The following GOLGA4 variants were observed in gnomAD, a reference collection of about 807,000 sequenced individuals.
GOLGA4 encodes golgin subfamily A member 4.
In GOLGA4, 169 loss-of-function variants were observed where a neutral mutation model predicts 265.9. That is an observed-to-expected ratio of 0.64 (90% confidence interval 0.56 to 0.72). The LOEUF is 0.72. Ranked by LOEUF, GOLGA4 falls within the 30% of genes least tolerant of loss-of-function variation. GOLGA4 has a pLI of 0.00. For missense variants in GOLGA4, 2,482 were observed against 2,483.4 expected (o/e 1.00, Z 0.01); for synonymous variants, 923 against 855.8 (o/e 1.08, Z -1.37).
At chr3:37,300,644 C>G (rs2096890222) in intron 9 of GOLGA4, among the ~76,000 whole-genome samples, 1 of 152,054 alleles carries the variant, frequency 6.6e-6, no homozygotes, top group African/African-American at 2.4e-5. Flanking sequence ...GTCCTACTCA[C>G]CCAGAATTGT....
chr3:37,345,873 G>C (rs752614548), intron 20 of GOLGA4, among the ~76,000 whole-genome samples: 7 of 151,898 alleles, frequency 4.6e-5, no homozygotes, highest in African/African-American at 1.5e-4. Flanking sequence ...CTTGAACCTG[G>C]GAGGCGGGGG....
At chr3:37,262,352 A>G (rs553304742) in intron 2 of GOLGA4, among the ~76,000 whole-genome samples, 1 of 152,070 alleles carries the variant, frequency 6.6e-6, no homozygotes, top group Non-Finnish European at 1.5e-5. Context: ...CTAATAATAC[A>G]AAAATTAGCT....
At chr3:37,249,153 G>A (rs1185311605) in intron 1 of GOLGA4, among the ~76,000 whole-genome samples, 1 of 152,144 alleles carries the variant, frequency 6.6e-6, no homozygotes, top group Non-Finnish European at 1.5e-5. Context: ...TGCAAATTAT[G>A]GCTCTAGGTG....
intron 10 of GOLGA4, among the ~76,000 whole-genome samples, chr3:37,306,251 TAAAG>T (rs2150889566): frequency 6.6e-6 from 1 of 152,260 alleles, no homozygotes; most frequent in South Asian, 2.1e-4. Flanking sequence ...TTTTAGTGGA[TAAAG>T]AAAACAAAAA....
chr3:37,335,251 T>C, intron 17 of GOLGA4, 85 bp downstream of exon 17: 1 of 710,026 alleles, frequency 1.4e-6, no homozygotes, highest in Non-Finnish European at 2.5e-6. Context: ...CATACATACA[T>C]ATTTATCTCA....
chr3:37,243,860 C>A, intron 1 of GOLGA4: 1 of 549,146 alleles, frequency 1.8e-6, no homozygotes, highest in South Asian at 2.4e-5. Context: ...GTGGCTGGAT[C>A]CCTCGTGACA....
At chr3:37,271,570 A>G (rs1344891593) in intron 2 of GOLGA4, among the ~76,000 whole-genome samples, 1 of 152,136 alleles carries the variant, frequency 6.6e-6, no homozygotes, top group African/African-American at 2.4e-5. Flanking sequence ...ACTCATGGCC[A>G]TCTTGTTTTA....
At position 37,323,982 on chromosome 3, in the gene GOLGA4, C is replaced by A; in HGVS notation, c.2096C>A (p.Ala699Asp). Residue 699 changes from alanine (A) to aspartate (D), a missense_variant, in exon 14 of 24, where the codon GCC (alanine) becomes GAC (aspartate). By Grantham distance (126) the Ala-to-Asp change is moderately radical. Coordinates refer to ENST00000361924, the MANE Select transcript of GOLGA4 (RefSeq NM_002078.5). The stretch of plus-strand genomic sequence containing the variant: ...TCTGAACTGTCAGAAGTATTAAAAG[C>A]CCGTCACAAACTAGAAGAGGAACTT... The part of the protein sequence containing the change: ...LSSELSEVLK[A>D]RHKLEEELSV... The A allele has an allele frequency of 6.2e-7, 1 of 1,613,522 alleles. No individual in the cohort carries two copies. The highest frequency in any genetic ancestry group is 8.5e-7 in the Non-Finnish European group (1 of 1,179,922).
At chr3:37,299,244 G>A (rs1012598640) in intron 8 of GOLGA4, 44 bp from the exon 9 acceptor site, 4 of 1,244,010 alleles carry the variant, frequency 3.2e-6, no homozygotes, top group Non-Finnish European at 4.7e-6. Context: ...CAAATGAGAA[G>A]AAGCTTTATT....
chr3:37,269,293 A>G (rs2096791839), intron 2 of GOLGA4, among the ~76,000 whole-genome samples: 1 of 152,254 alleles, frequency 6.6e-6, no homozygotes, highest in Admixed American at 6.5e-5. Context: ...ATAAGCATTT[A>G]TTGAGCCCTT....
At chr3:37,271,697 G>C (rs764907155) in intron 2 of GOLGA4, among the ~76,000 whole-genome samples, 6 of 152,268 alleles carry the variant, frequency 3.9e-5, no homozygotes, top group Non-Finnish European at 7.4e-5. Context: ...AATTTCAGAA[G>C]TTCTGTTCCA....
At chr3:37,276,671 C>G (rs2096820284) in intron 2 of GOLGA4, 1 of 1,331,350 alleles carries the variant, frequency 7.5e-7, no homozygotes, top group African/African-American at 1.5e-5. Context: ...CTAGGCCAAG[C>G]AACTAGTTTT....
intron 9 of GOLGA4, 117 bp from the exon 10 acceptor site, chr3:37,302,068 C>T (rs1473456535): frequency 1.2e-6 from 1 of 817,516 alleles, no homozygotes; most frequent in Non-Finnish European, 2.0e-6. Flanking sequence ...GGATTATGGA[C>T]ATGAGTCACC....
intron 1 of GOLGA4, among the ~76,000 whole-genome samples, chr3:37,249,527 G>C (rs553719559): frequency 2.2e-4 from 34 of 152,052 alleles, no homozygotes; most frequent in Admixed American, 1.8e-3. Flanking sequence ...TCCTGCCTCA[G>C]CCTCCTGAGT....
rs774143625 is a variant in GOLGA4 at position 37,326,527 on chromosome 3, T to A, written c.4641T>A (p.Val1547=). The A allele has an allele frequency of 6.2e-6, 10 of 1,606,568 alleles. No homozygotes were observed. The highest frequency in any genetic ancestry group is 8.5e-7 in the Non-Finnish European group (1 of 1,176,132). The part of the protein sequence containing the change: ...KTIEIESLNE[V]LKNYNQQKDI... ...TTGAAATAGAGTCCTTAAATGAAGTTCTTAAAAATTACAATCAACAAAAGG... is the reference window on the plus strand; with the variant it reads ...TTGAAATAGAGTCCTTAAATGAAGTACTTAAAAATTACAATCAACAAAAGG... The change falls in exon 14 of 24, where the codon GTT becomes GTA. Residue 1547 remains valine, a synonymous_variant. Transcript: ENST00000361924.
rs1467959261 is a variant in GOLGA4, at chr3:37,326,301, A to G, written c.4415A>G (p.Lys1472Arg). ...CAGATCCAGCTTGAGTTAAAATCAA[A>G]GGAAGCTTATGAAAAGGATGAGCAG... ...ELQIQLELKS[K>R]EAYEKDEQIN... is the part of the protein sequence containing the mutation. Residue 1472 changes from lysine to arginine, a missense_variant, in exon 14 of 24, where the codon AAG becomes AGG. This residue lies in a region of GOLGA4 where 942 missense variants were observed against 983.1 expected (regional missense o/e 0.96). Coordinates refer to ENST00000361924, the MANE Select transcript of GOLGA4 (RefSeq NM_002078.5). 2 of 1,612,058 alleles carry G rather than the reference A, an allele frequency of 1.2e-6. No homozygotes were observed. The highest frequency in any genetic ancestry group is 2.2e-5 in the South Asian group (2 of 90,548).
chr3:37,250,778 GT>G lies in GOLGA4; in HGVS notation c.73-610del, dbSNP rs143574667. Among the ~76,000 whole-genome samples the G allele has an allele frequency of 9.0e-3, 1,363 of 152,136 alleles. 25 individuals carry two copies. The highest frequency in any genetic ancestry group is 0.031 in the African/African-American group (1,303 of 41,492). On this transcript the variant is annotated intron_variant, in intron 1 of 23. Coordinates refer to ENST00000361924, the MANE Select transcript of GOLGA4 (RefSeq NM_002078.5). ...TTAAATTTTGAGCCCTTTCTCCTGAGTTTTTTTGCGCTGAGGGTTATAGGAG... is the reference window on the plus strand; with the variant it reads ...TTAAATTTTGAGCCCTTTCTCCTGAGTTTTTTGCGCTGAGGGTTATAGGAG...
intron 1 of GOLGA4, chr3:37,243,878 T>C: frequency 1.9e-6 from 1 of 532,524 alleles, no homozygotes; most frequent in Non-Finnish European, 3.3e-6. Context: ...ACATTCCATC[T>C]CCGTTAAGAG....
chr3:37,289,196 T>G lies in GOLGA4; in HGVS notation c.526-39T>G, dbSNP rs372280449. The G allele has an allele frequency of 4.6e-6, 5 of 1,084,942 alleles. No homozygotes were observed. In the African/African-American group the frequency reaches 7.9e-5, roughly 17 times the overall value. 67.2% of individuals were successfully genotyped at this position (1,084,942 alleles called of 1,614,324 possible). ...CTTTGTATTTACTATGTCATACAGT[T>G]AGCTGTTTAACCAGCTTTTTTTTCT... is the stretch of plus-strand genomic sequence containing the variant. On this transcript the variant is annotated intron_variant, in intron 4 of 23. Transcript: ENST00000361924.
Sources: gnomAD v4.1 joint callset for allele counts (sites outside exome capture counted in the v4.1 genomes callset) on GRCh38, gnomAD v4.1.1 for gene constraint, gnomAD v4.1.1 regional missense constraint, MANE v1.5 for transcripts, NCBI Gene and HGNC (gene_info 2026-07-23, HGNC 2026-07-21) for gene names.